The following LIPI variants were observed in gnomAD, a reference collection of about 807,000 sequenced individuals.
LIPI encodes lipase I, also known as lipase member I.
A neutral mutation model predicts 50.6 loss-of-function variants in LIPI; 59 were observed. The observed-to-expected ratio is 1.16, with a 90% CI of 0.94 to 1.45. The LOEUF is 1.45. LIPI is among the 40% of genes most tolerant of loss of function. LIPI has a pLI of 0.00. For missense variants in LIPI, 586 were observed against 536.3 expected (o/e 1.09, Z -0.92); for synonymous variants, 203 against 178.2 (o/e 1.14, Z -1.11).
At position 14,166,519 on chromosome 21, in the gene LIPI, A is replaced by C. The variant is rs935495760; in HGVS notation, c.644-68T>G. On this transcript the variant is annotated intron_variant, in intron 4 of 9. Transcript: ENST00000681601. The stretch of plus-strand genomic sequence containing the variant: ...AGGTGAGTATCTTGCATAAAACAAA[A>C]TAGCCTATAAAATCCATTGAAAGTT... The C allele has an allele frequency of 4.8e-6, 4 of 825,158 alleles. No homozygotes were observed. In the African/African-American group the frequency reaches 6.7e-5, roughly 14 times the overall value. 51.1% of individuals were successfully genotyped at this position (825,158 alleles called of 1,614,324 possible). A position where few individuals can be genotyped will look rare whatever the true frequency, so the allele number is the denominator to read the frequency against.
chr21:14,128,886 G>A (rs1358562671), intron 9 of LIPI, among the ~76,000 whole-genome samples: 29 of 151,998 alleles, frequency 1.9e-4, no homozygotes, highest in Admixed American at 1.5e-3. Context: ...CCTTAACAAC[G>A]CCCTGGGTGA....
chr21:14,195,130 T>A (rs1345283087), intron 1 of LIPI, among the ~76,000 whole-genome samples: 1 of 151,872 alleles, frequency 6.6e-6, no homozygotes, highest in South Asian at 2.1e-4. Flanking sequence ...AACATCAGAG[T>A]CTGGGAAGTC....
rs2020024821 is a variant in LIPI at position 14,200,757 on chromosome 21, A to G, written c.46+10043T>C. Among the ~76,000 whole-genome samples the G allele has an allele frequency of 1.3e-5, 2 of 152,120 alleles. 1 individual carries two copies. On this transcript the variant is annotated intron_variant, in intron 1 of 9. Transcript: ENST00000681601. The stretch of plus-strand genomic sequence containing the variant: ...GAGAGTATTCACAGAATGAGAAAAA[A>G]AAAACTATTTTAAAATTCACATGGA...
intron 7 of LIPI, among the ~76,000 whole-genome samples, chr21:14,153,682 G>C (rs988822446): frequency 1.3e-5 from 2 of 152,152 alleles, no homozygotes; most frequent in African/African-American, 4.8e-5. Flanking sequence ...GTTGTAGCAT[G>C]AAGATGGAGG....
intron 9 of LIPI, among the ~76,000 whole-genome samples, chr21:14,137,985 T>C (rs967524327): frequency 1.3e-5 from 2 of 152,106 alleles, no homozygotes; most frequent in Non-Finnish European, 2.9e-5. Context: ...AAAATAAGTT[T>C]ACCATAGAGT....
At chr21:14,190,344 G>T (rs1268176415) in intron 1 of LIPI, among the ~76,000 whole-genome samples, 4 of 151,610 alleles carry the variant, frequency 2.6e-5, no homozygotes, top group Admixed American at 6.6e-5. Context: ...CCCCATAGTG[G>T]TTTTTTTTCC....
chr21:14,203,975 T>C (rs1482481078), intron 1 of LIPI, among the ~76,000 whole-genome samples: 1 of 151,654 alleles, frequency 6.6e-6, no homozygotes, highest in African/African-American at 2.4e-5. Flanking sequence ...CCTTAGCAAA[T>C]TAACACAGAA....
intron 1 of LIPI, among the ~76,000 whole-genome samples, chr21:14,203,815 C>T (rs1422490124): frequency 2.0e-5 from 3 of 150,600 alleles, no homozygotes; most frequent in African/African-American, 4.9e-5. Flanking sequence ...CTAACCTGCA[C>T]GTTGTGCACA....
At chr21:14,128,167 G>A (rs965472383) in intron 9 of LIPI, among the ~76,000 whole-genome samples, 1 of 151,994 alleles carries the variant, frequency 6.6e-6, no homozygotes, top group Non-Finnish European at 1.5e-5. Flanking sequence ...AAAATTAAAT[G>A]CATGTTTCAA....
chr21:14,155,356 G>C (rs536733012), intron 7 of LIPI, among the ~76,000 whole-genome samples: 1 of 151,962 alleles, frequency 6.6e-6, no homozygotes, highest in East Asian at 1.9e-4. Flanking sequence ...TATAATAAAA[G>C]ATGTAATATT....
intron 9 of LIPI, among the ~76,000 whole-genome samples, chr21:14,133,029 C>A (rs980477518): frequency 2.6e-5 from 4 of 151,562 alleles, no homozygotes; most frequent in African/African-American, 9.8e-5. Flanking sequence ...ACAACAACAA[C>A]AAAAAATGCC....
intron 1 of LIPI, among the ~76,000 whole-genome samples, chr21:14,191,376 CAAAAA>C (rs71183411): frequency 1.2e-5 from 1 of 86,294 alleles, no homozygotes; most frequent in Non-Finnish European, 2.2e-5. Flanking sequence ...GACTCCGTCT[CAAAAA>C]AAAAAAAAAA....
chr21:14,133,901 T>C (rs566975414), intron 9 of LIPI, among the ~76,000 whole-genome samples: 2 of 152,226 alleles, frequency 1.3e-5, no homozygotes, highest in African/African-American at 4.8e-5. Flanking sequence ...ATTAAAATAC[T>C]TAGGAATATA....
rs866345467 is a variant in LIPI at position 14,203,447 on chromosome 21, A to G, written c.46+7353T>C. ...TTGGAACCAACCCAAATGTCCATCAATGATAGACTGGATTAAGAAAATGTG... is the reference window on the plus strand; with the variant it reads ...TTGGAACCAACCCAAATGTCCATCAGTGATAGACTGGATTAAGAAAATGTG... On this transcript the variant is annotated intron_variant, in intron 1 of 9. Transcript: ENST00000681601. Among the ~76,000 whole-genome samples, 18 of 152,172 alleles carry G rather than the reference A, an allele frequency of 1.2e-4. 1 individual carries two copies. The South Asian group carries it at 1.2e-3, about 11-fold the overall frequency.
chr21:14,118,367 T>C lies in LIPI; in HGVS notation c.1296-9287A>G, dbSNP rs971497718. 1.3e-5 allele frequency among the ~76,000 whole-genome samples: 2 copies of C among 152,164 alleles called. 1 individual carries two copies. On this transcript the variant is annotated intron_variant, in intron 9 of 9. Transcript: ENST00000681601. ...GGCCGTTATCAAAAGACTATGCTAA[T>C]ATTATCAGAGCCACAGTTATCACAG...
chr21:14,135,599 G>A (rs565360741), intron 9 of LIPI, among the ~76,000 whole-genome samples: 1 of 152,258 alleles, frequency 6.6e-6, no homozygotes, highest in South Asian at 2.1e-4. Flanking sequence ...GCCCACGGAG[G>A]GAGTATTTAA....
chr21:14,138,157 T>C (rs926582039), intron 9 of LIPI, among the ~76,000 whole-genome samples: 1 of 151,906 alleles, frequency 6.6e-6, no homozygotes, highest in East Asian at 1.9e-4. Flanking sequence ...CACTCCACAA[T>C]ATATTCATGT....
Position 14,144,729 on chromosome 21 carries a change from T to A in LIPI, c.1189A>T (p.Ile397Phe). ...AAATATGTCAAACCAATGCTTGAAATATTTACAAAGTCATTATAAAATTGA... is the reference window on the plus strand; with the variant it reads ...AAATATGTCAAACCAATGCTTGAAAAATTTACAAAGTCATTATAAAATTGA... ...LAQFYNDFVN[I>F]SSIGLTYFQS... Residue 397 changes from isoleucine to phenylalanine, a missense_variant, in exon 9 of 10, where the codon ATT becomes TTT. Physicochemically the swap from Ile to Phe is conservative, Grantham distance 21 (BLOSUM62 0). Transcript: ENST00000681601. 1 of 1,572,998 alleles carries A rather than the reference T, an allele frequency of 6.4e-7. No homozygotes were observed. Among genetic ancestry groups the A allele is most frequent in the East Asian group, 2.2e-5 (1 of 44,550 alleles).
At chr21:14,189,833 A>G (rs2019606381) in intron 1 of LIPI, among the ~76,000 whole-genome samples, 1 of 152,110 alleles carries the variant, frequency 6.6e-6, no homozygotes, top group African/African-American at 2.4e-5. Context: ...TCTAGTCATC[A>G]ATACAAAACA....
Sources: gnomAD v4.1 joint callset for allele counts (sites outside exome capture counted in the v4.1 genomes callset) on GRCh38, gnomAD v4.1.1 for gene constraint, MANE v1.5 for transcripts, NCBI Gene and HGNC (gene_info 2026-07-23, HGNC 2026-07-21) for gene names.